The following HECW2 variants were observed in gnomAD, a reference collection of about 807,000 sequenced individuals.
HECW2 encodes E3 ubiquitin-protein ligase HECW2.
HECW2 carries 61 observed loss-of-function variants against 175.2 expected under a neutral mutation model. The observed-to-expected ratio is 0.35, with a 90% CI of 0.28 to 0.43. HECW2 has a LOEUF of 0.43. Ranked by LOEUF, HECW2 falls within the 20% of genes least tolerant of loss-of-function variation. The pLI, the probability that HECW2 is intolerant of heterozygous loss-of-function variation, is 1.00. For missense variants in HECW2, 1,524 were observed against 2,000.5 expected (o/e 0.76, Z 4.54); for synonymous variants, 671 against 731.0 (o/e 0.92, Z 1.32).
chr2:196,433,034 G>A, intron 2 of HECW2, 98 bp downstream of exon 2: 1 of 1,148,888 alleles, frequency 8.7e-7, no homozygotes, highest in South Asian at 1.5e-5. Flanking sequence ...ATATGTGCAT[G>A]TGAATTTTTT....
chr2:196,514,993 G>A (rs972290815), intron 1 of HECW2, among the ~76,000 whole-genome samples: 1 of 152,192 alleles, frequency 6.6e-6, no homozygotes, highest in Non-Finnish European at 1.5e-5. Flanking sequence ...CCTTTAGGGA[G>A]CCCAGACCTA....
At chr2:196,249,647 C>T (rs1278347258) in intron 19 of HECW2, among the ~76,000 whole-genome samples, 1 of 152,100 alleles carries the variant, frequency 6.6e-6, no homozygotes, top group South Asian at 2.1e-4. Flanking sequence ...TTCAGGAATC[C>T]TGGTAGAAGG....
chr2:196,244,971 G>T (rs1367682236), intron 19 of HECW2, among the ~76,000 whole-genome samples: 2 of 152,138 alleles, frequency 1.3e-5, no homozygotes, highest in Non-Finnish European at 2.9e-5. Flanking sequence ...TTTTATTTAA[G>T]AAATTATTTT....
intron 1 of HECW2, among the ~76,000 whole-genome samples, chr2:196,547,519 A>G (rs1484432255): frequency 6.6e-6 from 1 of 152,168 alleles, no homozygotes; most frequent in Non-Finnish European, 1.5e-5. Context: ...ACAAATAAAG[A>G]TTTGCTTTCA....
intron 1 of HECW2, among the ~76,000 whole-genome samples, chr2:196,585,973 T>C (rs1213859482): frequency 6.6e-6 from 1 of 152,142 alleles, no homozygotes; most frequent in Non-Finnish European, 1.5e-5. Context: ...AATATCTTCA[T>C]GCAAAATCCT....
intron 1 of HECW2, among the ~76,000 whole-genome samples, chr2:196,572,904 A>G (rs1690435379): frequency 6.6e-6 from 1 of 152,206 alleles, no homozygotes; most frequent in East Asian, 1.9e-4. Flanking sequence ...TGTGAGAAGT[A>G]AATATCTGTT....
intron 17 of HECW2, among the ~76,000 whole-genome samples, chr2:196,270,471 A>G (rs1263675630): frequency 6.6e-6 from 1 of 152,196 alleles, no homozygotes; most frequent in Non-Finnish European, 1.5e-5. Context: ...TTCCCTACTT[A>G]GGTTCTAATC....
chr2:196,589,058 T>C (rs4241190), intron 1 of HECW2, among the ~76,000 whole-genome samples: 122,964 of 152,026 alleles, frequency 0.81, 50,149 homozygotes, highest in East Asian at 0.95. Flanking sequence ...AATTTGCTGA[T>C]GGTAGTGGTG....
chr2:196,268,688 A>C (rs1006712437), intron 17 of HECW2, among the ~76,000 whole-genome samples: 2 of 152,216 alleles, frequency 1.3e-5, no homozygotes, highest in Admixed American at 1.3e-4. Context: ...AAACTTCTTG[A>C]GTTTCCTGTT....
chr2:196,466,489 A>G (rs1696959001), intron 1 of HECW2, among the ~76,000 whole-genome samples: 1 of 152,188 alleles, frequency 6.6e-6, no homozygotes, highest in Non-Finnish European at 1.5e-5. Context: ...AAAAACATCA[A>G]ATTATAGCTT....
At chr2:196,500,179 G>T (rs1379478728) in intron 1 of HECW2, among the ~76,000 whole-genome samples, 1 of 151,974 alleles carries the variant, frequency 6.6e-6, no homozygotes, top group African/African-American at 2.4e-5. Context: ...AATCAAATGA[G>T]ATGATATATG....
chr2:196,256,427 C>A (rs904362242), intron 18 of HECW2, among the ~76,000 whole-genome samples: 14 of 152,068 alleles, frequency 9.2e-5, no homozygotes, highest in Non-Finnish European at 1.8e-4. Flanking sequence ...TACTACTTAA[C>A]ACATAGAAAC....
chr2:196,235,356 T>C (rs1397575475), intron 21 of HECW2, among the ~76,000 whole-genome samples: 1 of 152,060 alleles, frequency 6.6e-6, no homozygotes, highest in Non-Finnish European at 1.5e-5. Context: ...TGCCTCAGCC[T>C]CCCAAAGTGC....
intron 1 of HECW2, among the ~76,000 whole-genome samples, chr2:196,562,505 A>C (rs1386760416): frequency 6.6e-6 from 1 of 152,232 alleles, no homozygotes; most frequent in Admixed American, 6.5e-5. Context: ...AAGACAGGTA[A>C]AGTGGATACA....
intron 1 of HECW2, among the ~76,000 whole-genome samples, chr2:196,499,162 C>G (rs912902062): frequency 7.9e-5 from 12 of 152,162 alleles, no homozygotes; most frequent in African/African-American, 2.9e-4. Context: ...GCTGCAATAC[C>G]CGCCATCTCA....
At position 196,254,035 on chromosome 2, in the gene HECW2, G is replaced by A; in HGVS notation, c.3420-6C>T. ...TTATCTCTTCTTCAAATAAGCTGGG[G>A]AAAGACAAGAAACAAAACGGGCACT... On this transcript the variant is annotated splice_polypyrimidine_tract_variant and splice_region_variant and intron_variant, in intron 18 of 28. Transcript: ENST00000644978. The A allele has an allele frequency of 1.9e-6, 3 of 1,613,082 alleles. No homozygotes were observed. The highest frequency in any genetic ancestry group is 8.5e-7 in the Non-Finnish European group (1 of 1,179,326).
intron 2 of HECW2, among the ~76,000 whole-genome samples, chr2:196,346,630 T>A (rs1692962825): frequency 6.6e-6 from 1 of 152,162 alleles, no homozygotes; most frequent in Admixed American, 6.5e-5. Context: ...ACCCACCAGC[T>A]CCTGTAGGTT....
At chr2:196,336,802 T>C (rs1450332000) in intron 3 of HECW2, among the ~76,000 whole-genome samples, 1 of 152,102 alleles carries the variant, frequency 6.6e-6, no homozygotes, top group Non-Finnish European at 1.5e-5. Context: ...GTATCTCGAA[T>C]TGCACAAAAG....
At chr2:196,448,942 G>T (rs1042143918) in intron 1 of HECW2, among the ~76,000 whole-genome samples, 8 of 152,120 alleles carry the variant, frequency 5.3e-5, no homozygotes, top group Admixed American at 2.0e-4. Flanking sequence ...AAAATAATAA[G>T]TATTTGGATG....
Sources: allele counts gnomAD v4.1 joint callset (sites outside exome capture counted in the v4.1 genomes callset), GRCh38; gene constraint gnomAD v4.1.1; transcripts MANE v1.5; gene names NCBI Gene and HGNC (gene_info 2026-07-23, HGNC 2026-07-21).